The following POT1 variants were observed in gnomAD, a reference collection of about 807,000 sequenced individuals.
POT1 encodes protection of telomeres protein 1.
POT1 carries 47 observed loss-of-function variants against 78.5 expected under a neutral mutation model. That is an observed-to-expected ratio of 0.60 (90% CI 0.47 to 0.76). The LOEUF (loss-of-function observed/expected upper bound fraction) is 0.76. Ranked by LOEUF, POT1 falls within the 30% of genes least tolerant of loss-of-function variation. POT1 has a pLI of 0.00. For synonymous variants in POT1, 259 were observed against 260.7 expected (o/e 0.99, Z 0.06); for missense variants, 646 against 749.9 (o/e 0.86, Z 1.62).
At chr7:124,901,360 C>A (rs1315675398) in intron 3 of POT1, among the ~76,000 whole-genome samples, 1 of 152,184 alleles carries the variant, frequency 6.6e-6, no homozygotes. Flanking sequence ...GTTCTGCAGC[C>A]TCTGCTGGTG....
chr7:124,863,472 T>C lies in POT1; in HGVS notation c.424A>G (p.Thr142Ala). ...AATGTCCAAGACGGTGACATATGAG[T>C]AGATGCCCAAACACGTAAGGCTTCT... is the stretch of plus-strand genomic sequence containing the variant. The part of the protein sequence containing the change: ...MVEALRVWAS[T>A]HMSPSWTLLK... The change falls in exon 8 of 19, where the codon ACT becomes GCT. Residue 142 changes from threonine (T) to alanine (A), a missense_variant. Around this residue, in one of 2 missense-constraint regions of POT1, gnomAD observed 252 missense variants for 341.4 expected, o/e 0.74. Coordinates refer to ENST00000357628, the MANE Select transcript of POT1 (RefSeq NM_015450.3). The C allele has an allele frequency of 6.2e-7, 1 of 1,613,924 alleles. No homozygotes were observed. Among genetic ancestry groups the C allele is most frequent in the Non-Finnish European group, 8.5e-7 (1 of 1,179,882 alleles).
rs112403546 is a variant in POT1, at chr7:124,903,170, C to T, written c.-153-4796G>A. ...GACTTGAACTCGGCTCTGCACCAAG[C>T]GGACCTAATAGACATCTACAGAACT... is the stretch of plus-strand genomic sequence containing the variant. On this transcript the variant is annotated intron_variant, in intron 3 of 18. Transcript: ENST00000357628. 7.8e-3 allele frequency among the ~76,000 whole-genome samples: 1,184 copies of T among 152,250 alleles called. 22 individuals carry two copies. The highest frequency in any genetic ancestry group is 0.026 in the African/African-American group (1,097 of 41,546).
rs978978723 is a variant in POT1, at chr7:124,901,234, G to A, written c.-153-2860C>T. 2.0e-5 allele frequency among the ~76,000 whole-genome samples: 3 copies of A among 152,186 alleles called. No homozygotes were observed. The East Asian group carries it at 5.8e-4, about 29-fold the overall frequency. ...TCCCTGACCCCTGAGTAGACTAACT[G>A]GGAGACACCTTCCAGTAGGGGCCAA... On this transcript the variant is annotated intron_variant, in intron 3 of 18. Transcript: ENST00000357628.
At chr7:124,848,829 A>C (rs1025080764) in intron 11 of POT1, among the ~76,000 whole-genome samples, 2 of 152,172 alleles carry the variant, frequency 1.3e-5, no homozygotes, top group African/African-American at 4.8e-5. Flanking sequence ...TTGAAAAAAT[A>C]CAGTGTAGAG....
chr7:124,882,224 T>C (rs915154807), intron 6 of POT1, among the ~76,000 whole-genome samples: 4 of 152,012 alleles, frequency 2.6e-5, no homozygotes, highest in African/African-American at 7.2e-5. Flanking sequence ...TCATCTCCTT[T>C]TTATCTACTA....
Position 124,850,687 on chromosome 7 carries a change from C to T in POT1, c.949+1185G>A, listed in dbSNP as rs184993019. 4.0e-4 allele frequency among the ~76,000 whole-genome samples: 61 copies of T among 151,476 alleles called. No homozygotes were observed. The East Asian group carries it at 9.2e-3, about 23-fold the overall frequency. ...CGGAGCTTGCAGTGAGCAGAGATCG[C>T]GCTAGCCACACTCCAGCCTGGGAGA... On this transcript the variant is annotated intron_variant, in intron 11 of 18. Transcript: ENST00000357628.
chr7:124,928,249 G>A (rs568453403), intron 2 of POT1, among the ~76,000 whole-genome samples: 8 of 151,906 alleles, frequency 5.3e-5, no homozygotes, highest in East Asian at 1.9e-4. Flanking sequence ...TCTTGCATTC[G>A]CCAATATATT....
intron 13 of POT1, among the ~76,000 whole-genome samples, chr7:124,842,552 A>G (rs1795052793): frequency 6.6e-6 from 1 of 151,992 alleles, no homozygotes; most frequent in Non-Finnish European, 1.5e-5. Context: ...TATATTCATC[A>G]TTTATTATTT....
chr7:124,868,475 C>A (rs887934667), intron 7 of POT1, among the ~76,000 whole-genome samples: 19 of 151,878 alleles, frequency 1.3e-4, no homozygotes, highest in Middle Eastern at 3.2e-3. Flanking sequence ...TCATAGTAGC[C>A]TTTAAAACAG....
In POT1 at chr7:124,853,142, A is replaced by T; in HGVS notation, c.703-4T>A. 1 of 1,553,972 alleles carries T rather than the reference A, an allele frequency of 6.4e-7. No homozygotes were observed. Among genetic ancestry groups the T allele is most frequent in the Non-Finnish European group, 8.8e-7 (1 of 1,140,546 alleles). On this transcript the variant is annotated splice_polypyrimidine_tract_variant and splice_region_variant and intron_variant, in intron 9 of 18. Coordinates refer to ENST00000357628, the MANE Select transcript of POT1 (RefSeq NM_015450.3). ...AGATTCTAAGAAAGCTTCCAACCTAAAAAATAGATCATTTGTTATTTAGAA... is the reference window on the plus strand; with the variant it reads ...AGATTCTAAGAAAGCTTCCAACCTATAAAATAGATCATTTGTTATTTAGAA...
At chr7:124,847,389 C>G (rs10268290) in intron 11 of POT1, among the ~76,000 whole-genome samples, 102,553 of 151,908 alleles carry the variant, frequency 0.68, 34,615 homozygotes, top group East Asian at 0.8. Flanking sequence ...AGCTACTCAG[C>G]AGGCTGAGGC....
intron 2 of POT1, among the ~76,000 whole-genome samples, chr7:124,916,511 G>C (rs114483765): frequency 0.012 from 1,803 of 152,134 alleles, 34 homozygotes; most frequent in African/African-American, 0.04. Flanking sequence ...TCTGAGGAAA[G>C]CAAGTAATTC....
intron 6 of POT1, among the ~76,000 whole-genome samples, chr7:124,880,053 C>A (rs888867498): frequency 6.6e-6 from 1 of 152,028 alleles, no homozygotes; most frequent in African/African-American, 2.4e-5. Flanking sequence ...CCTGTTTATG[C>A]TGTAAGTAGA....
At chr7:124,910,546 T>C (rs1796867386) in intron 3 of POT1, among the ~76,000 whole-genome samples, 1 of 151,920 alleles carries the variant, frequency 6.6e-6, no homozygotes, top group African/African-American at 2.4e-5. Context: ...TGAAAAAAAC[T>C]GGTTAAATGT....
chr7:124,875,839 C>T (rs895685984), intron 6 of POT1, among the ~76,000 whole-genome samples: 1 of 152,154 alleles, frequency 6.6e-6, no homozygotes, highest in Non-Finnish European at 1.5e-5. Context: ...TGGGACATGA[C>T]TGAGGACCAT....
At chr7:124,874,549 G>A (rs1026254323) in intron 6 of POT1, among the ~76,000 whole-genome samples, 14 of 151,926 alleles carry the variant, frequency 9.2e-5, no homozygotes, top group African/African-American at 3.4e-4. Flanking sequence ...CCTGGCCAAC[G>A]TGGTGAAACC....
chr7:124,889,875 T>G (rs939885434), intron 6 of POT1, among the ~76,000 whole-genome samples: 4 of 152,018 alleles, frequency 2.6e-5, no homozygotes, highest in Non-Finnish European at 4.4e-5. Context: ...ACAAGAGCTC[T>G]GATGGAGATG....
At chr7:124,915,058 A>C (rs759260332) in intron 3 of POT1, among the ~76,000 whole-genome samples, 13 of 152,126 alleles carry the variant, frequency 8.5e-5, no homozygotes, top group Admixed American at 2.6e-4. Flanking sequence ...TTCCCCTAAA[A>C]TGTAAATTCA....
chr7:124,845,549 G>GC lies in POT1; in HGVS notation c.1006+1392_1006+1393insG, dbSNP rs1480351115. On this transcript the variant is annotated intron_variant, in intron 12 of 18. Transcript: ENST00000357628. Reference sequence around the variant, plus strand: ...AAACTTTATTCAGCTGGTAAAGGTAGTGTCCAATCACTTCTCTACTAAAAA... The same window carrying GC: ...AAACTTTATTCAGCTGGTAAAGGTAGCTGTCCAATCACTTCTCTACTAAAAA... Among the ~76,000 whole-genome samples the GC allele has an allele frequency of 2.6e-5, 4 of 152,138 alleles. No homozygotes were observed. The East Asian group carries it at 7.7e-4, about 29-fold the overall frequency.
Sources: gnomAD v4.1 joint callset for allele counts (sites outside exome capture counted in the v4.1 genomes callset) on GRCh38, gnomAD v4.1.1 for gene constraint, gnomAD v4.1.1 regional missense constraint, MANE v1.5 for transcripts, NCBI Gene and HGNC (gene_info 2026-07-23, HGNC 2026-07-21) for gene names.